The following TRIOBP variants were observed in gnomAD, a reference collection of about 807,000 sequenced individuals.
The protein encoded by TRIOBP is TRIO and F-actin binding protein, also known as TRIO and F-actin-binding protein.
In TRIOBP, 169 loss-of-function variants were observed where a neutral mutation model predicts 238.8. That is an observed-to-expected ratio of 0.71 (90% CI 0.62 to 0.80). The LOEUF is 0.80. Among genes scored for constraint, TRIOBP ranks in the 30% least tolerant of loss-of-function variants. The pLI is 0.00. For missense variants in TRIOBP, 2,838 were observed against 3,122.6 expected (o/e 0.91, Z 2.17); for synonymous variants, 1,150 against 1,274.4 (o/e 0.90, Z 2.08).
chr22:37,716,236 CA>C (rs1160476761), intron 6 of TRIOBP, among the ~76,000 whole-genome samples: 3 of 150,784 alleles, frequency 2.0e-5, no homozygotes, highest in Non-Finnish European at 4.4e-5. Flanking sequence ...CCCAGCCTCC[CA>C]AGTAGCTAAG....
At chr22:37,706,118 G>T (rs1216919361) in intron 3 of TRIOBP, among the ~76,000 whole-genome samples, 1 of 152,108 alleles carries the variant, frequency 6.6e-6, no homozygotes, top group East Asian at 1.9e-4. Context: ...GTGAGGGAGG[G>T]GAGAAACCCA....
chr22:37,708,023 G>T (rs960332172), intron 3 of TRIOBP, among the ~76,000 whole-genome samples: 3 of 150,640 alleles, frequency 2.0e-5, no homozygotes, highest in Non-Finnish European at 1.5e-5. Flanking sequence ...GAGGCGGGCG[G>T]ATCACGAGAT....
chr22:37,745,072 C>T (rs1248095198), intron 11 of TRIOBP, among the ~76,000 whole-genome samples: 2 of 152,024 alleles, frequency 1.3e-5, no homozygotes, highest in African/African-American at 4.8e-5. Context: ...ACCATGTTGG[C>T]CAGTCTGCTC....
At chr22:37,715,654 T>A in intron 5 of TRIOBP, 109 bp from the exon 6 acceptor site, 1 of 1,373,118 alleles carries the variant, frequency 7.3e-7, no homozygotes, top group Non-Finnish European at 1.0e-6. Flanking sequence ...GGGAAGTGCT[T>A]TTTAATGCCA....
chr22:37,743,436 G>A (rs1225146398), intron 11 of TRIOBP, among the ~76,000 whole-genome samples: 1 of 152,204 alleles, frequency 6.6e-6, no homozygotes, highest in East Asian at 1.9e-4. Flanking sequence ...CTGGGTCCCT[G>A]AGGCTGTGCT....
At chr22:37,717,344 A>G (rs571406740) in intron 6 of TRIOBP, among the ~76,000 whole-genome samples, 97 of 152,314 alleles carry the variant, frequency 6.4e-4, no homozygotes, top group Non-Finnish European at 1.1e-3. Context: ...CGAAAGAACA[A>G]AGCTTCCACA....
At position 37,701,319 on chromosome 22, in the gene TRIOBP, G is replaced by A. The variant is rs900256568; in HGVS notation, c.-47G>A. The stretch of plus-strand genomic sequence containing the variant: ...CATTTTTGCCAGGCCTCACATAGAC[G>A]GTCAGCCATTGGATCATAGGAACTG... On this transcript the variant is annotated 5_prime_UTR_variant, in exon 3 of 24. Transcript: ENST00000644935. 1.5e-5 allele frequency: 22 copies of A among 1,490,568 alleles called. No homozygotes were observed. The highest frequency in any genetic ancestry group is 8.2e-5 in the African/African-American group (6 of 72,780). The allele number at this position is 1,490,568 out of a possible 1,614,324, so 92.3% of individuals were successfully genotyped here.
At chr22:37,710,121 A>G (rs1032036100) in intron 3 of TRIOBP, among the ~76,000 whole-genome samples, 1 of 152,258 alleles carries the variant, frequency 6.6e-6, no homozygotes, top group African/African-American at 2.4e-5. Flanking sequence ...GTAGACACGC[A>G]TGCGCAAGAG....
intron 19 of TRIOBP, among the ~76,000 whole-genome samples, chr22:37,768,716 G>A (rs571188044): frequency 6.6e-6 from 1 of 151,966 alleles, no homozygotes; most frequent in South Asian, 2.1e-4. Context: ...CAGGAGAATC[G>A]CTTGAACCCA....
Position 37,724,516 on chromosome 22 carries a change from C to T in TRIOBP, c.1960C>T (p.Arg654Ter), listed in dbSNP as rs997951552. The stretch of plus-strand genomic sequence containing the variant: ...AGACAGCCCCAGAACATCCTGTGCC[C>T]GACGGGACGATCCCAGAGCCTCCTC... The part of the protein sequence containing the change: ...QQDSPRTSCA[R>*]RDDPRASSPN... The change falls in exon 7 of 24, where the codon CGA (arginine) becomes TGA (stop). Residue 654 changes from arginine to a stop codon, truncating the protein, a stop_gained. Coordinates refer to ENST00000644935, the MANE Select transcript of TRIOBP (RefSeq NM_001039141.3). LOFTEE classifies it high-confidence loss of function. 14 of 1,603,482 alleles carry T rather than the reference C, an allele frequency of 8.7e-6. No homozygotes were observed. The highest frequency in any genetic ancestry group is 4.1e-5 in the African/African-American group (3 of 73,968).
At chr22:37,704,331 C>T (rs933752185) in intron 3 of TRIOBP, among the ~76,000 whole-genome samples, 11 of 151,692 alleles carry the variant, frequency 7.3e-5, no homozygotes, top group African/African-American at 2.7e-4. Flanking sequence ...TTCAGTGAGC[C>T]GTGATCGCAT....
At position 37,726,035 on chromosome 22, in the gene TRIOBP, TC is replaced by T. The variant is rs1290951288; in HGVS notation, c.3483del (p.Thr1162ProfsTer51). On this transcript the variant is annotated frameshift_variant, in exon 7 of 24. Transcript: ENST00000644935. LOFTEE classifies it high-confidence loss of function. ...SMDSLHECPH[I>X]PTPVCIGHRD... ...GACTCTCTGCACGAGTGCCCCCACA[TC>T]CCCACCCCTGTGTGCATTGGGCACC... is the stretch of plus-strand genomic sequence containing the variant. The T allele has an allele frequency of 6.3e-7, 1 of 1,587,244 alleles. No individual in the cohort carries two copies. Among genetic ancestry groups the T allele is most frequent in the South Asian group, 1.1e-5 (1 of 88,164 alleles).
At chr22:37,716,073 T>A in intron 6 of TRIOBP, 139 bp downstream of exon 6, 1 of 824,772 alleles carries the variant, frequency 1.2e-6, no homozygotes, top group South Asian at 1.5e-5. Flanking sequence ...TTGCATGTCA[T>A]GATGGAGCAG....
chr22:37,739,411 A>T (rs1328537417), intron 10 of TRIOBP, among the ~76,000 whole-genome samples: 1 of 139,634 alleles, frequency 7.2e-6, no homozygotes, highest in Non-Finnish European at 1.5e-5. Flanking sequence ...CAGGGGTGGC[A>T]GGGAGCGTCC....
intron 6 of TRIOBP, 127 bp downstream of exon 6, chr22:37,716,061 G>C: frequency 2.2e-6 from 2 of 920,462 alleles, no homozygotes; most frequent in African/African-American, 1.6e-5. Flanking sequence ...AATAGTAACA[G>C]TTTGCATGTC....
intron 7 of TRIOBP, among the ~76,000 whole-genome samples, chr22:37,732,372 G>A (rs775734369): frequency 3.3e-5 from 5 of 152,140 alleles, no homozygotes; most frequent in South Asian, 4.1e-4. Context: ...AGGGTCAGGC[G>A]TGGTGGCTCA....
rs926551204 is a variant in TRIOBP, at chr22:37,723,329, A to C, written c.773A>C (p.Gln258Pro). Residue 258 changes from glutamine (Q) to proline (P), a missense_variant, in exon 7 of 24, where the codon CAG becomes CCG. By Grantham distance (76) the Gln-to-Pro change is moderately conservative. Around this residue, in one of 5 missense-constraint regions of TRIOBP, gnomAD observed 535 missense variants for 537.3 expected, o/e 1.00. Coordinates refer to ENST00000644935, the MANE Select transcript of TRIOBP (RefSeq NM_001039141.3). Reference sequence around the variant, plus strand: ...AGTGGACCTCGAAGCACCACGTCTCAGGCTTCTCCTGCCCAAAGGGACACT... The same window carrying C: ...AGTGGACCTCGAAGCACCACGTCTCCGGCTTCTCCTGCCCAAAGGGACACT... ...PHSGPRSTTS[Q>P]ASPAQRDTAQ... 6 of 1,613,958 alleles carry C rather than the reference A, an allele frequency of 3.7e-6. No homozygotes were observed. Among genetic ancestry groups the C allele is most frequent in the Admixed American group, 3.3e-5 (2 of 59,984 alleles).
At chr22:37,755,482 G>T in intron 14 of TRIOBP, 68 bp from the exon 15 acceptor site, 1 of 1,404,332 alleles carries the variant, frequency 7.1e-7, no homozygotes, top group Non-Finnish European at 1.0e-6. Flanking sequence ...ACCCTCCCTG[G>T]GGTCCATAGT....
At chr22:37,749,284 G>A (rs1205285540) in intron 11 of TRIOBP, among the ~76,000 whole-genome samples, 3 of 152,148 alleles carry the variant, frequency 2.0e-5, no homozygotes, top group Non-Finnish European at 4.4e-5. Context: ...CAACCCGGGA[G>A]GTGGAGGTTG....
Sources: allele counts gnomAD v4.1 joint callset (sites outside exome capture counted in the v4.1 genomes callset), GRCh38; gene constraint gnomAD v4.1.1; regional missense constraint gnomAD v4.1.1; transcripts MANE v1.5; gene names NCBI Gene and HGNC (gene_info 2026-07-23, HGNC 2026-07-21).